The following GABRA2 variants were observed in gnomAD, a reference collection of about 807,000 sequenced individuals.
GABRA2 encodes the protein gamma-aminobutyric acid receptor subunit alpha-2.
Under a neutral mutation model 48.7 loss-of-function variants are expected in GABRA2, and 16 were observed. That is an observed-to-expected ratio of 0.33 (90% CI 0.22 to 0.50). GABRA2 has a LOEUF of 0.50. Ranked by LOEUF, GABRA2 falls within the 20% of genes least tolerant of loss-of-function variation. The pLI is 0.98. For missense variants in GABRA2, 275 were observed against 535.6 expected (o/e 0.51, Z 4.80); for synonymous variants, 185 against 184.5 (o/e 1.00, Z -0.02).
chr4:46,323,642 A>AT (rs1408813580), intron 4 of GABRA2, among the ~76,000 whole-genome samples: 1 of 151,868 alleles, frequency 6.6e-6, no homozygotes. Context: ...TGAAATGTAC[A>AT]GACACAAGTT....
In GABRA2 at chr4:46,332,124, TG is replaced by T. The variant is rs534729300; in HGVS notation, c.255+490del. On this transcript the variant is annotated intron_variant, in intron 4 of 9. Coordinates refer to ENST00000381620, the MANE Select transcript of GABRA2 (RefSeq NM_000807.4). Reference sequence around the variant, plus strand: ...TTGATTTATATATACCTACTATGTGTGCAGATTATACGTATTGTATGTATGT... The same window carrying T: ...TTGATTTATATATACCTACTATGTGTCAGATTATACGTATTGTATGTATGT... 1.5e-3 allele frequency among the ~76,000 whole-genome samples: 224 copies of T among 152,296 alleles called. 3 individuals are homozygous for T. Among genetic ancestry groups the T allele is most frequent in the African/African-American group, 5.3e-3 (219 of 41,578 alleles).
chr4:46,270,049 A>G (rs1719030017), intron 8 of GABRA2, among the ~76,000 whole-genome samples: 1 of 152,000 alleles, frequency 6.6e-6, no homozygotes, highest in South Asian at 2.1e-4. Flanking sequence ...AAATTATGGC[A>G]AACCGTAAGT....
chr4:46,327,474 T>C (rs1367948658), intron 4 of GABRA2, among the ~76,000 whole-genome samples: 1 of 152,012 alleles, frequency 6.6e-6, no homozygotes, highest in Non-Finnish European at 1.5e-5. Flanking sequence ...GCAACCAGCT[T>C]CTACATGCTG....
At chr4:46,254,902 T>C (rs185973809) in intron 9 of GABRA2, among the ~76,000 whole-genome samples, 1 of 151,642 alleles carries the variant, frequency 6.6e-6, no homozygotes, top group Admixed American at 6.6e-5. Context: ...CTGTGACTGG[T>C]AACACAATTC....
At chr4:46,256,088 G>T in intron 9 of GABRA2, 2 of 437,228 alleles carry the variant, frequency 4.6e-6, no homozygotes, top group Non-Finnish European at 8.2e-6. Flanking sequence ...CAGTTATTGT[G>T]GCTACTAGAA....
chr4:46,276,059 A>C (rs1368943410), intron 8 of GABRA2, among the ~76,000 whole-genome samples: 2 of 152,294 alleles, frequency 1.3e-5, no homozygotes, highest in East Asian at 3.9e-4. Flanking sequence ...CTTAAAGCTT[A>C]AATGAAGAAA....
intron 8 of GABRA2, chr4:46,302,738 C>A (rs73131388): frequency 6.6e-6 from 1 of 152,094 alleles, no homozygotes; most frequent in Non-Finnish European, 1.5e-5. Flanking sequence ...CTTACCATAC[C>A]TTTTTCCACC....
rs1421443398 is a variant in GABRA2 at position 46,265,413 on chromosome 4, T to C, written c.857-3285A>G. Reference sequence around the variant, plus strand: ...ATATATATAATATATTGTGTATATATATAATATATTGTGTATATATATATA... The same window carrying C: ...ATATATATAATATATTGTGTATATACATAATATATTGTGTATATATATATA... On this transcript the variant is annotated intron_variant, in intron 8 of 9. Transcript: ENST00000381620. Among the ~76,000 whole-genome samples, 52 of 128,656 alleles carry C rather than the reference T, an allele frequency of 4.0e-4. 1 individual carries two copies. The highest frequency in any genetic ancestry group is 1.1e-3 in the South Asian group (5 of 4,526). 84.4% of individuals were successfully genotyped at this position (128,656 alleles called of 152,430 possible).
chr4:46,295,028 T>A (rs1434724121), intron 8 of GABRA2, among the ~76,000 whole-genome samples: 2 of 152,198 alleles, frequency 1.3e-5, no homozygotes, highest in African/African-American at 2.4e-5. Context: ...GCCTTCTCTC[T>A]GCACCGATGG....
At chr4:46,260,106 C>G in intron 9 of GABRA2, among the ~76,000 whole-genome samples, 1 of 151,736 alleles carries the variant, frequency 6.6e-6, no homozygotes, top group Non-Finnish European at 1.5e-5. Context: ...TTTAAGATCA[C>G]AAACTCATTC....
At chr4:46,280,053 T>TAA (rs75721400) in intron 8 of GABRA2, among the ~76,000 whole-genome samples, 83 of 150,942 alleles carry the variant, frequency 5.5e-4, no homozygotes, top group Non-Finnish European at 8.9e-4. Flanking sequence ...AGTTTTTTTT[T>TAA]AAAAAATGAG....
chr4:46,262,004 G>A lies in GABRA2; in HGVS notation c.981C>T (p.Ala327=), dbSNP rs1717080856. The change falls in exon 9 of 10, where the codon GCC becomes GCT. Residue 327 remains alanine, a synonymous_variant. Transcript: ENST00000381620. ...AATTAACAGTTGCAAATTCAATTAG[G>A]GCAGAGAACACAAATGCATAACAAA... ...IAVCYAFVFS[A]LIEFATVNYF... 1.2e-6 allele frequency: 2 copies of A among 1,613,496 alleles called. No individual in the cohort carries two copies. Among genetic ancestry groups the A allele is most frequent in the African/African-American group, 1.3e-5 (1 of 74,822 alleles).
intron 4 of GABRA2, among the ~76,000 whole-genome samples, chr4:46,326,175 G>A (rs944075397): frequency 2.0e-5 from 3 of 151,814 alleles, no homozygotes; most frequent in Admixed American, 1.3e-4. Flanking sequence ...GAATGGGGAG[G>A]GTGGTAGGGA....
intron 8 of GABRA2, among the ~76,000 whole-genome samples, chr4:46,271,268 G>A (rs1488568425): frequency 6.6e-6 from 1 of 151,740 alleles, no homozygotes; most frequent in Non-Finnish European, 1.5e-5. Context: ...GGTTTCCCCC[G>A]CTTCAGGCCA....
chr4:46,257,249 T>C (rs1424462206), intron 9 of GABRA2, among the ~76,000 whole-genome samples: 2 of 151,548 alleles, frequency 1.3e-5, no homozygotes, highest in Non-Finnish European at 1.5e-5. Context: ...ATCTGAAAAG[T>C]TTTCATATTA....
chr4:46,350,784 G>T (rs28544925), intron 3 of GABRA2, among the ~76,000 whole-genome samples: 5 of 151,692 alleles, frequency 3.3e-5, no homozygotes, highest in Non-Finnish European at 5.9e-5. Context: ...AATATACTAA[G>T]ATAAAAGACA....
intron 3 of GABRA2, among the ~76,000 whole-genome samples, chr4:46,380,890 A>G (rs1023788790): frequency 1.3e-5 from 2 of 152,186 alleles, no homozygotes; most frequent in Non-Finnish European, 2.9e-5. Flanking sequence ...CCACAGTCTA[A>G]GGATAAATAT....
intron 3 of GABRA2, among the ~76,000 whole-genome samples, chr4:46,369,854 G>A (rs756867970): frequency 6.6e-6 from 1 of 152,092 alleles, no homozygotes; most frequent in Non-Finnish European, 1.5e-5. Context: ...TATATAAGTG[G>A]ATGGTAGTTA....
intron 9 of GABRA2, chr4:46,261,720 A>C: frequency 1.6e-6 from 1 of 612,508 alleles, no homozygotes; most frequent in Non-Finnish European, 2.9e-6. Context: ...AGCTCAACAG[A>C]TGCTACGGAG....
Sources: allele counts gnomAD v4.1 joint callset (sites outside exome capture counted in the v4.1 genomes callset), GRCh38; gene constraint gnomAD v4.1.1; transcripts MANE v1.5; gene names NCBI Gene and HGNC (gene_info 2026-07-23, HGNC 2026-07-21).